HERC3: variants seen among roughly 807,000 people sequenced by gnomAD.
HERC3 encodes the protein HECT and RLD domain containing E3 ubiquitin protein ligase 3, also known as probable E3 ubiquitin-protein ligase HERC3.
In HERC3, 58 loss-of-function variants were observed where a neutral mutation model predicts 129.9. The observed-to-expected ratio is 0.45, with a 90% CI of 0.36 to 0.56. The LOEUF (loss-of-function observed/expected upper bound fraction) is 0.56, where lower values mean the gene tolerates loss of function less well. Ranked by LOEUF, HERC3 falls within the 20% of genes least tolerant of loss-of-function variation. HERC3 has a pLI of 0.00. For synonymous variants in HERC3, 430 were observed against 451.0 expected (o/e 0.95, Z 0.59); for missense variants, 835 against 1,244.2 (o/e 0.67, Z 4.95).
intron 3 of HERC3, among the ~76,000 whole-genome samples, chr4:88,649,120 T>C (rs950451335): frequency 7.9e-5 from 12 of 152,156 alleles, no homozygotes; most frequent in Non-Finnish European, 8.8e-5. Context: ...TTGCCTTTCA[T>C]GTTTAAGTTT....
At chr4:88,693,438 A>T (rs578169158) in intron 23 of HERC3, 625 of 936,670 alleles carry the variant, frequency 6.7e-4, no homozygotes, top group Non-Finnish European at 7.6e-4. Flanking sequence ...TGTATTCTTT[A>T]AAAAAAAAGT....
intron 8 of HERC3, 53 bp from the exon 9 acceptor site, chr4:88,655,822 G>A (rs1000700656): frequency 2.5e-5 from 38 of 1,549,564 alleles, no homozygotes; most frequent in Non-Finnish European, 3.3e-5. Context: ...GAGTCAGAGT[G>A]TACATCCACA....
intron 3 of HERC3, among the ~76,000 whole-genome samples, chr4:88,615,101 G>A (rs1049069495): frequency 1.3e-5 from 2 of 152,176 alleles, no homozygotes; most frequent in South Asian, 2.1e-4. Flanking sequence ...TGGAGAAGGG[G>A]CAGCTTTGGA....
chr4:88,646,178 AC>A (rs1219232544), intron 3 of HERC3, among the ~76,000 whole-genome samples: 1 of 152,194 alleles, frequency 6.6e-6, no homozygotes, highest in African/African-American at 2.4e-5. Context: ...CCCTTGCCTT[AC>A]AGGGTTGTTG....
the HERC3 span, among the ~76,000 whole-genome samples, chr4:88,574,389 G>C: frequency 7.1e-6 from 1 of 141,646 alleles, no homozygotes; most frequent in Non-Finnish European, 1.5e-5. Context: ...TCTACTTAAA[G>C]TTAGTTAATA....
At chr4:88,697,560 C>T (rs1734749229) in intron 23 of HERC3, 18 of 1,613,934 alleles carry the variant, frequency 1.1e-5, no homozygotes, top group Non-Finnish European at 1.5e-5. Context: ...AGTCATTTTT[C>T]GGCTTTGGGG....
At chr4:88,581,148 A>G in the HERC3 span, among the ~76,000 whole-genome samples, 1 of 152,110 alleles carries the variant, frequency 6.6e-6, no homozygotes, top group Non-Finnish European at 1.5e-5. Context: ...CTTGGTACTG[A>G]TAATTCCTGC....
intron 8 of HERC3, 50 bp from the exon 9 acceptor site, chr4:88,655,825 C>T: frequency 1.9e-6 from 3 of 1,559,972 alleles, no homozygotes; most frequent in East Asian, 2.3e-5. Flanking sequence ...TCAGAGTGTA[C>T]ATCCACATTA....
intron 23 of HERC3, among the ~76,000 whole-genome samples, chr4:88,689,404 A>G (rs547096872): frequency 9.9e-5 from 15 of 151,430 alleles, no homozygotes; most frequent in African/African-American, 3.6e-4. Context: ...CTGTAGTTCC[A>G]GCTACTCAGG....
the HERC3 span, among the ~76,000 whole-genome samples, chr4:88,568,370 A>T: frequency 6.6e-6 from 1 of 151,958 alleles, no homozygotes; most frequent in African/African-American, 2.4e-5. Context: ...CATGGTGGCA[A>T]GCTCCCCTCT....
intron 16 of HERC3, among the ~76,000 whole-genome samples, chr4:88,672,360 T>C (rs1731702077): frequency 6.6e-6 from 1 of 152,184 alleles, no homozygotes; most frequent in Non-Finnish European, 1.5e-5. Flanking sequence ...ATAACTATAA[T>C]AGTTATTAAA....
intron 23 of HERC3, 136 bp downstream of exon 23, chr4:88,687,435 A>G (rs1051929748): frequency 4.9e-6 from 2 of 411,744 alleles, no homozygotes; most frequent in Non-Finnish European, 8.8e-6. Flanking sequence ...ATAGGGCAAT[A>G]ATTTACAGAT....
chr4:88,581,055 A>G, the HERC3 span, among the ~76,000 whole-genome samples: 1 of 152,338 alleles, frequency 6.6e-6, no homozygotes, highest in African/African-American at 2.4e-5. Context: ...GGCATGGCAC[A>G]TCAGAGGGCA....
intron 3 of HERC3, among the ~76,000 whole-genome samples, chr4:88,631,265 G>T (rs1035530404): frequency 6.6e-6 from 1 of 152,030 alleles, no homozygotes; most frequent in Non-Finnish European, 1.5e-5. Context: ...GACCAGCCTG[G>T]CCAACATGGT....
chr4:88,536,039 T>G, the HERC3 span, among the ~76,000 whole-genome samples: 1 of 152,328 alleles, frequency 6.6e-6, no homozygotes, highest in East Asian at 1.9e-4. Context: ...ATGTAATAGT[T>G]TAACAAATTA....
At chr4:88,602,344 G>A (rs142199404) in intron 2 of HERC3, among the ~76,000 whole-genome samples, 1,560 of 146,086 alleles carry the variant, frequency 0.011, 34 homozygotes, top group African/African-American at 0.038. Flanking sequence ...GTAGGTTGCA[G>A]TGAGCTGAGA....
At chr4:88,571,539 T>C in the HERC3 span, among the ~76,000 whole-genome samples, 1 of 152,210 alleles carries the variant, frequency 6.6e-6, no homozygotes, top group African/African-American at 2.4e-5. Context: ...ACAGATTTGG[T>C]ATGCAAACTA....
intron 22 of HERC3, 150 bp downstream of exon 22, chr4:88,686,952 TA>T: frequency 1.5e-6 from 1 of 677,718 alleles, no homozygotes. Flanking sequence ...TTGAGTGTTA[TA>T]GGGGTTCAGT....
intron 10 of HERC3, among the ~76,000 whole-genome samples, chr4:88,660,613 G>A (rs1730394286): frequency 6.6e-6 from 1 of 152,188 alleles, no homozygotes; most frequent in Non-Finnish European, 1.5e-5. Context: ...ACTGATTCTA[G>A]GTCTTGGGAA....
Sources: allele counts gnomAD v4.1 joint callset (sites outside exome capture counted in the v4.1 genomes callset), GRCh38; gene constraint gnomAD v4.1.1; transcripts MANE v1.5; gene names NCBI Gene and HGNC (gene_info 2026-07-23, HGNC 2026-07-21).